The following REEP3 variants were observed in gnomAD, a reference collection of about 807,000 sequenced individuals.
The protein encoded by REEP3 is receptor expression-enhancing protein 3.
A neutral mutation model predicts 41.3 loss-of-function variants in REEP3; 20 were observed. That is an observed-to-expected ratio of 0.48 (90% confidence interval 0.34 to 0.70). The LOEUF is 0.70. Ranked by LOEUF, REEP3 falls within the 30% of genes least tolerant of loss-of-function variation. REEP3 has a pLI of 0.01. For synonymous variants in REEP3, 104 were observed against 101.8 expected (o/e 1.02, Z -0.13); for missense variants, 271 against 308.8 (o/e 0.88, Z 0.92).
Position 63,623,482 on chromosome 10 carries a change from C to T in REEP3, c.*2613C>T, listed in dbSNP as rs1956370505. 2.0e-5 allele frequency: 3 copies of T among 152,216 alleles called. No homozygotes were observed. Among genetic ancestry groups the T allele is most frequent in the African/African-American group, 7.2e-5 (3 of 41,440 alleles). 9.4% of individuals were successfully genotyped at this position (152,216 alleles called of 1,614,324 possible). A position where few individuals can be genotyped will look rare whatever the true frequency, so the allele number is the denominator to read the frequency against. ...CACATGGAGCACGGGATTAGATGCA[C>T]AAACCTATTTAGGGAACTATTTTGG... On this transcript the variant is annotated 3_prime_UTR_variant, in exon 8 of 8. Transcript: ENST00000373758.
At chr10:63,564,369 T>A (rs972964392) in intron 1 of REEP3, among the ~76,000 whole-genome samples, 2 of 152,320 alleles carry the variant, frequency 1.3e-5, no homozygotes, top group Admixed American at 1.3e-4. Context: ...GTGCCTGTAA[T>A]CCCAGCACTT....
At chr10:63,619,634 T>C (rs764033042) in intron 6 of REEP3, 21 bp from the exon 7 acceptor site, 5 of 1,586,604 alleles carry the variant, frequency 3.2e-6, no homozygotes, top group African/African-American at 1.3e-5. Context: ...CAAAACATGC[T>C]GTTTTTGACA....
chr10:63,560,471 G>A (rs1389235310), intron 1 of REEP3, among the ~76,000 whole-genome samples: 1 of 152,086 alleles, frequency 6.6e-6, no homozygotes, highest in Admixed American at 6.5e-5. Flanking sequence ...AATGATATGA[G>A]GACCATCTCC....
At chr10:63,533,794 G>T (rs1196926637) in intron 1 of REEP3, among the ~76,000 whole-genome samples, 2 of 144,314 alleles carry the variant, frequency 1.4e-5, no homozygotes, top group Non-Finnish European at 3.0e-5. Context: ...TGCAAGCTCC[G>T]CCTCCCGGGT....
In REEP3 at chr10:63,521,568, G is replaced by A; in HGVS notation, c.23G>A (p.Arg8Lys). The change falls in exon 1 of 8, where the codon AGA (arginine) becomes AAA (lysine). Residue 8 changes from arginine to lysine, a missense_variant. Arg to Lys is a conservative substitution (Grantham distance 26). Transcript: ENST00000373758. ...AAGATGGTGTCCTGGATGATCTCCA[G>A]AGCCGTGGTGTAAGTGCCTCTCACT... is the stretch of plus-strand genomic sequence containing the variant. MVSWMIS[R>K]AVVLVFGMLY... 1 of 1,427,996 alleles carries A rather than the reference G, an allele frequency of 7.0e-7. No homozygotes were observed. Among genetic ancestry groups the A allele is most frequent in the Non-Finnish European group, 9.3e-7 (1 of 1,079,224 alleles). The allele number at this position is 1,427,996 out of a possible 1,614,324, so 88.5% of individuals were successfully genotyped here. A position where few individuals can be genotyped will look rare whatever the true frequency, so the allele number is the denominator to read the frequency against.
rs781206958 is a variant in REEP3 at position 63,534,844 on chromosome 10, A to G, written c.32+13267A>G. On this transcript the variant is annotated intron_variant, in intron 1 of 7. Coordinates refer to ENST00000373758, the MANE Select transcript of REEP3 (RefSeq NM_001001330.3). The stretch of plus-strand genomic sequence containing the variant: ...TGAAAATGAAATGACCTATAACCCT[A>G]CAAGTGACACTGCCTAGACACACTT... Among the ~76,000 whole-genome samples, 7 of 152,354 alleles carry G rather than the reference A, an allele frequency of 4.6e-5. No homozygotes were observed. The East Asian group carries it at 7.7e-4, about 17-fold the overall frequency.
intron 3 of REEP3, among the ~76,000 whole-genome samples, chr10:63,595,809 C>T (rs759566899): frequency 6.6e-6 from 1 of 152,212 alleles, no homozygotes; most frequent in African/African-American, 2.4e-5. Context: ...AACTCCCAAC[C>T]TCAGGTGATC....
intron 1 of REEP3, among the ~76,000 whole-genome samples, chr10:63,524,822 G>T (rs1024353423): frequency 6.6e-6 from 1 of 152,062 alleles, no homozygotes; most frequent in African/African-American, 2.4e-5. Context: ...TTGCCTTTAA[G>T]TCATTATAAT....
At chr10:63,530,253 TGTGCTTTAAATTTTTTAACTG>T (rs1955407984) in intron 1 of REEP3, among the ~76,000 whole-genome samples, 1 of 152,222 alleles carries the variant, frequency 6.6e-6, no homozygotes, top group Non-Finnish European at 1.5e-5. Context: ...TTCCTTTATA[TGTGCTTTAAATTTTTTAACTG>T]GTTGTAAAAT....
At position 63,542,085 on chromosome 10, in the gene REEP3, G is replaced by GTTT. The variant is rs56908733; in HGVS notation, c.32+20518_32+20520dup. ...ACTACTTCTTTTTGTTTTTGTTTTTGTTTTTTTTTTTTGAGACAGAGTCTC... is the reference window on the plus strand; with the variant it reads ...ACTACTTCTTTTTGTTTTTGTTTTTGTTTTTTTTTTTTTTTGAGACAGAGTCTC... On this transcript the variant is annotated intron_variant, in intron 1 of 7. Transcript: ENST00000373758. 1.2e-3 allele frequency among the ~76,000 whole-genome samples: 173 copies of GTTT among 145,102 alleles called. 2 individuals are homozygous for GTTT. The highest frequency in any genetic ancestry group is 3.7e-3 in the East Asian group (18 of 4,918).
chr10:63,566,361 C>G lies in REEP3; in HGVS notation c.56C>G (p.Pro19Arg), dbSNP rs374582467. ...AGGCTGGTGTTTGGAATGCTTTATC[C>G]TGCATATTATTCATACAAAGCTGTG... is the stretch of plus-strand genomic sequence containing the variant. ...AVVLVFGMLY[P>R]AYYSYKAVKT... Residue 19 changes from proline to arginine, a missense_variant, in exon 2 of 8, where the codon CCT (proline) becomes CGT (arginine). By Grantham distance (103) the Pro-to-Arg change is moderately radical. Transcript: ENST00000373758. The G allele has an allele frequency of 6.4e-7, 1 of 1,551,202 alleles. No individual in the cohort carries two copies. Among genetic ancestry groups the G allele is most frequent in the Non-Finnish European group, 8.7e-7 (1 of 1,144,306 alleles).
chr10:63,615,018 A>C (rs1956301732), intron 6 of REEP3, among the ~76,000 whole-genome samples: 1 of 152,214 alleles, frequency 6.6e-6, no homozygotes, highest in Non-Finnish European at 1.5e-5. Flanking sequence ...GTGGTTTATT[A>C]GCTGTGAAAC....
intron 6 of REEP3, among the ~76,000 whole-genome samples, chr10:63,619,454 T>A (rs992416226): frequency 4.6e-5 from 7 of 152,178 alleles, no homozygotes; most frequent in African/African-American, 1.7e-4. Flanking sequence ...GAAAATTTCC[T>A]GGAGGAAATG....
chr10:63,595,779 T>C (rs1363920427), intron 3 of REEP3, among the ~76,000 whole-genome samples: 1 of 152,198 alleles, frequency 6.6e-6, no homozygotes, highest in African/African-American at 2.4e-5. Flanking sequence ...GGTTTCACCA[T>C]GTTAGCCAGG....
In REEP3 at chr10:63,622,752, GC is replaced by G. The variant is rs1299189568; in HGVS notation, c.*1884del. ...AGACGGAGTCTTGCTCTGTCACCAG[GC>G]TGGAGTGCAGTGGCGCGATCTCGGC... is the stretch of plus-strand genomic sequence containing the variant. On this transcript the variant is annotated 3_prime_UTR_variant, in exon 8 of 8. Transcript: ENST00000373758. The G allele has an allele frequency of 1.4e-5, 2 of 139,394 alleles. No homozygotes were observed. Among genetic ancestry groups the G allele is most frequent in the African/African-American group, 5.6e-5 (2 of 35,948 alleles). The allele number at this position is 139,394 out of a possible 1,614,324, so 8.6% of individuals were successfully genotyped here.
At chr10:63,585,049 G>A (rs1955991918) in intron 2 of REEP3, among the ~76,000 whole-genome samples, 1 of 152,168 alleles carries the variant, frequency 6.6e-6, no homozygotes, top group South Asian at 2.1e-4. Context: ...AGAGTTTGAA[G>A]AGTTGTTTAA....
Position 63,610,218 on chromosome 10 carries a change from G to A in REEP3, c.449G>A (p.Ser150Asn), listed in dbSNP as rs773424285. Residue 150 changes from serine (S) to asparagine (N), a missense_variant, in exon 6 of 8, where the codon AGC becomes AAC. By Grantham distance (46) the Ser-to-Asn change is conservative. Coordinates refer to ENST00000373758, the MANE Select transcript of REEP3 (RefSeq NM_001001330.3). Reference protein sequence around the residue: ...SQGAITERLRSFSMHDLTTIQ... With the variant: ...SQGAITERLRNFSMHDLTTIQ... ...GGAGCAATAACTGAACGTTTAAGAA[G>A]CTTCAGTATGCATGATTTAACAACT... 1.1e-5 allele frequency: 18 copies of A among 1,609,334 alleles called. 1 individual carries two copies. The South Asian group carries it at 1.8e-4, about 16-fold the overall frequency.
At chr10:63,579,675 G>T (rs1955931728) in intron 2 of REEP3, among the ~76,000 whole-genome samples, 2 of 152,186 alleles carry the variant, frequency 1.3e-5, no homozygotes, top group Non-Finnish European at 2.9e-5. Context: ...TAAGCAATCA[G>T]GCTTTTGCTA....
In REEP3 at chr10:63,533,794, G is replaced by A. The variant is rs1196926637; in HGVS notation, c.32+12217G>A. On this transcript the variant is annotated intron_variant, in intron 1 of 7. Coordinates refer to ENST00000373758, the MANE Select transcript of REEP3 (RefSeq NM_001001330.3). ...GCGATCTCAGCTCACTGCAAGCTCC[G>A]CCTCCCGGGTTCAAGCAATTCTCCT... 5.5e-5 allele frequency among the ~76,000 whole-genome samples: 8 copies of A among 144,314 alleles called. No individual in the cohort carries two copies. In the South Asian group the frequency reaches 1.6e-3, roughly 28 times the overall value. 94.7% of individuals were successfully genotyped at this position (144,314 alleles called of 152,430 possible).
Sources: gnomAD v4.1 joint callset for allele counts (sites outside exome capture counted in the v4.1 genomes callset) on GRCh38, gnomAD v4.1.1 for gene constraint, MANE v1.5 for transcripts, NCBI Gene and HGNC (gene_info 2026-07-23, HGNC 2026-07-21) for gene names.